RNLS: variants seen among roughly 807,000 people sequenced by gnomAD.
The protein encoded by RNLS is renalase.
A neutral mutation model predicts 39.8 loss-of-function variants in RNLS; 39 were observed. The ratio of observed to expected loss-of-function variants is 0.98; its 90% CI spans 0.76 to 1.28. RNLS has a LOEUF of 1.28. Among genes scored for constraint, RNLS ranks in the 50% most tolerant of loss-of-function variants. RNLS has a pLI of 0.00. For synonymous variants in RNLS, 147 were observed against 150.7 expected (o/e 0.98, Z 0.18); for missense variants, 410 against 413.3 (o/e 0.99, Z 0.07).
chr10:88,409,883 C>A (rs1853549850), intron 4 of RNLS, among the ~76,000 whole-genome samples: 1 of 152,024 alleles, frequency 6.6e-6, no homozygotes, highest in African/African-American at 2.4e-5. Flanking sequence ...TTTTAATATT[C>A]ATTGTTAATA....
intron 5 of RNLS, among the ~76,000 whole-genome samples, chr10:88,330,099 A>G (rs1383658226): frequency 3.4e-5 from 5 of 147,602 alleles, no homozygotes; most frequent in African/African-American, 1.2e-4. Flanking sequence ...ATAAATATAA[A>G]TATATATACA....
intron 4 of RNLS, among the ~76,000 whole-genome samples, chr10:88,412,657 A>AG (rs1193960502): frequency 6.6e-6 from 1 of 152,182 alleles, no homozygotes; most frequent in Non-Finnish European, 1.5e-5. Context: ...AGTAGCCAGG[A>AG]GGCTCGAGTC....
intron 4 of RNLS, among the ~76,000 whole-genome samples, chr10:88,489,658 C>A (rs1844772429): frequency 6.6e-6 from 1 of 152,194 alleles, no homozygotes; most frequent in South Asian, 2.1e-4. Context: ...ATACCTCCTG[C>A]AGAGAGGGCC....
chr10:88,403,005 T>C (rs1853031614), intron 4 of RNLS, among the ~76,000 whole-genome samples: 1 of 152,054 alleles, frequency 6.6e-6, no homozygotes, highest in African/African-American at 2.4e-5. Flanking sequence ...CCCCAGTGAA[T>C]CTGATCAAGC....
intron 4 of RNLS, among the ~76,000 whole-genome samples, chr10:88,514,630 CTT>C (rs896833918): frequency 6.6e-6 from 1 of 152,064 alleles, no homozygotes; most frequent in African/African-American, 2.4e-5. Flanking sequence ...GCGTTTGACT[CTT>C]TTAGATACCT....
chr10:88,341,278 G>A (rs1311321353), intron 5 of RNLS, among the ~76,000 whole-genome samples: 1 of 139,368 alleles, frequency 7.2e-6, no homozygotes, highest in Non-Finnish European at 1.5e-5. Flanking sequence ...GCGGTGAGCC[G>A]AGATCATGCC....
chr10:88,205,347 A>T, the RNLS span, among the ~76,000 whole-genome samples: 1 of 152,278 alleles, frequency 6.6e-6, no homozygotes. Context: ...GGGATAATGA[A>T]GTCCCAAATT....
downstream of RNLS, among the ~76,000 whole-genome samples, chr10:88,272,313 CT>C (rs1369472325): frequency 6.6e-6 from 1 of 152,132 alleles, no homozygotes; most frequent in Admixed American, 6.6e-5. Flanking sequence ...TTTTCCTTTC[CT>C]TTTCCTGTTC....
the RNLS span, among the ~76,000 whole-genome samples, chr10:88,244,313 C>T: frequency 6.6e-6 from 1 of 152,228 alleles, no homozygotes; most frequent in Non-Finnish European, 1.5e-5. Flanking sequence ...GATCCGTACA[C>T]CATGTTCTGT....
chr10:88,287,782 A>G (rs1386010721), intron 6 of RNLS, among the ~76,000 whole-genome samples: 1 of 152,086 alleles, frequency 6.6e-6, no homozygotes, highest in Admixed American at 6.6e-5. Flanking sequence ...ATCAGATCTC[A>G]TGAAAACTCA....
chr10:88,235,804 G>A, the RNLS span, among the ~76,000 whole-genome samples: 2 of 151,810 alleles, frequency 1.3e-5, no homozygotes, highest in Non-Finnish European at 2.9e-5. Context: ...GAGATAGAGA[G>A]GTTTTTTGTT....
intron 4 of RNLS, among the ~76,000 whole-genome samples, chr10:88,384,509 A>G (rs1424174977): frequency 6.6e-6 from 1 of 152,236 alleles, no homozygotes; most frequent in Admixed American, 6.5e-5. Flanking sequence ...TTCCCTTACC[A>G]GTGTATGACC....
chr10:88,231,644 G>C, the RNLS span, among the ~76,000 whole-genome samples: 1 of 152,150 alleles, frequency 6.6e-6, no homozygotes, highest in Non-Finnish European at 1.5e-5. Flanking sequence ...GACCTTTGGG[G>C]ACAGAAGTGT....
At chr10:88,432,176 CT>C (rs1855173663) in intron 4 of RNLS, among the ~76,000 whole-genome samples, 2 of 151,284 alleles carry the variant, frequency 1.3e-5, no homozygotes, top group Non-Finnish European at 3.0e-5. Flanking sequence ...CTGTTTTGTT[CT>C]TTTGAATTAG....
At chr10:88,291,320 G>A (rs754346687) in intron 6 of RNLS, among the ~76,000 whole-genome samples, 2 of 152,146 alleles carry the variant, frequency 1.3e-5, no homozygotes, top group South Asian at 2.1e-4. Flanking sequence ...AATGAGCAGC[G>A]TCAGGTGAAA....
chr10:88,571,073 T>C (rs2134437980), intron 4 of RNLS, among the ~76,000 whole-genome samples: 1 of 151,960 alleles, frequency 6.6e-6, no homozygotes, highest in East Asian at 1.9e-4. Context: ...AGCCTTGACT[T>C]CCCAGGCTTA....
At chr10:88,209,717 A>G in the RNLS span, among the ~76,000 whole-genome samples, 1 of 152,218 alleles carries the variant, frequency 6.6e-6, no homozygotes. Flanking sequence ...AAAAAAATCT[A>G]TGATTAACCC....
At chr10:88,364,120 T>A (rs931939575) in intron 4 of RNLS, among the ~76,000 whole-genome samples, 5 of 152,188 alleles carry the variant, frequency 3.3e-5, no homozygotes, top group Non-Finnish European at 7.4e-5. Flanking sequence ...TGTTTATGTA[T>A]GTACAACATT....
At chr10:88,307,137 ACT>A (rs1844981972) in intron 6 of RNLS, among the ~76,000 whole-genome samples, 2 of 152,256 alleles carry the variant, frequency 1.3e-5, no homozygotes, top group East Asian at 3.9e-4. Flanking sequence ...CATGTGAAAA[ACT>A]CTCGATAAAC....
Sources: allele counts gnomAD v4.1 joint callset (sites outside exome capture counted in the v4.1 genomes callset), GRCh38; gene constraint gnomAD v4.1.1; transcripts MANE v1.5; gene names NCBI Gene and HGNC (gene_info 2026-07-23, HGNC 2026-07-21).